The following PSME4 variants were observed in gnomAD, a reference collection of about 807,000 sequenced individuals.
PSME4 encodes proteasome activator complex subunit 4.
A neutral mutation model predicts 253.9 loss-of-function variants in PSME4; 89 were observed. That is an observed-to-expected ratio of 0.35 (90% confidence interval 0.30 to 0.42). The LOEUF (loss-of-function observed/expected upper bound fraction) is 0.42, where lower values mean the gene tolerates loss of function less well. Ranked by LOEUF, PSME4 falls within the 10% of genes least tolerant of loss-of-function variation. The pLI, the probability that PSME4 is intolerant of heterozygous loss-of-function variation, is 1.00. For synonymous variants in PSME4, 851 were observed against 759.2 expected, an observed-to-expected ratio of 1.12 and a Z score of -1.99; for missense variants, 2,014 against 2,195.2, an observed-to-expected ratio of 0.92 and a Z score of 1.65.
intron 41 of PSME4, among the ~76,000 whole-genome samples, chr2:53,876,716 C>CTTT (rs10599430): frequency 2.2e-4 from 22 of 97,844 alleles, no homozygotes; most frequent in East Asian, 2.1e-3. Flanking sequence ...CACTGTCATT[C>CTTT]TTTTTTTTTT....
intron 37 of PSME4, 31 bp from the exon 38 acceptor site, chr2:53,888,843 C>T: frequency 6.8e-7 from 1 of 1,475,760 alleles, no homozygotes; most frequent in Non-Finnish European, 9.5e-7. Context: ...AACAGTTCAA[C>T]AGAGAACCTA....
At chr2:53,948,883 GT>G (rs1283901637) in intron 2 of PSME4, among the ~76,000 whole-genome samples, 1 of 152,164 alleles carries the variant, frequency 6.6e-6, no homozygotes, top group Non-Finnish European at 1.5e-5. Context: ...TCTTTGTCTT[GT>G]CTTCTCAAGG....
Position 53,875,700 on chromosome 2 carries a change from A to G in PSME4, c.4871T>C (p.Leu1624Ser). ...CCCCTGAGACATTAATGATAAACAT[A>G]ACTTTGCATCTCTTTTCAGTTCATC... ...SYDELKRDAK[L>S]CLSLMSQGLL... The change falls in exon 42 of 47, where the codon TTA (leucine) becomes TCA (serine). Residue 1624 changes from leucine (L) to serine (S), a missense_variant. Leu to Ser is a moderately radical substitution (Grantham distance 145). Around this residue, in one of 4 missense-constraint regions of PSME4, gnomAD observed 403 missense variants for 556.1 expected, o/e 0.72. Coordinates refer to ENST00000404125, the MANE Select transcript of PSME4 (RefSeq NM_014614.3). The G allele has an allele frequency of 2.5e-6, 4 of 1,613,160 alleles. No homozygotes were observed. The highest frequency in any genetic ancestry group is 3.4e-6 in the Non-Finnish European group (4 of 1,179,200).
At chr2:53,942,196 A>G (rs1179355293) in intron 3 of PSME4, 1 of 152,564 alleles carries the variant, frequency 6.6e-6, no homozygotes, top group African/African-American at 2.4e-5. Flanking sequence ...TGATTCTTGT[A>G]ATCTCTCAAG....
At chr2:53,961,425 T>C (rs1056428200) in intron 1 of PSME4, among the ~76,000 whole-genome samples, 3 of 152,120 alleles carry the variant, frequency 2.0e-5, no homozygotes, top group Admixed American at 6.5e-5. Flanking sequence ...TCCCAGCACT[T>C]TGGGAGGGCG....
At chr2:53,944,063 A>T (rs933075371) in intron 3 of PSME4, among the ~76,000 whole-genome samples, 7 of 152,232 alleles carry the variant, frequency 4.6e-5, no homozygotes, top group African/African-American at 1.2e-4. Context: ...AGTATTTTTT[A>T]AAATTGCTTT....
At chr2:53,928,551 T>C (rs567798160) in intron 10 of PSME4, among the ~76,000 whole-genome samples, 19 of 152,184 alleles carry the variant, frequency 1.2e-4, no homozygotes, top group Non-Finnish European at 2.5e-4. Flanking sequence ...CATATTCACA[T>C]AACTTCTATT....
intron 1 of PSME4, among the ~76,000 whole-genome samples, chr2:53,970,010 C>A (rs747750979): frequency 1.2e-4 from 18 of 152,152 alleles, no homozygotes; most frequent in Non-Finnish European, 1.9e-4. Flanking sequence ...CTGAGAGGGC[C>A]CCCAAAAAGC....
intron 43 of PSME4, chr2:53,870,609 C>T (rs1349650618): frequency 1.3e-5 from 2 of 151,708 alleles, no homozygotes; most frequent in Non-Finnish European, 2.9e-5. Context: ...ATCTTCTGAC[C>T]TCGTGATCCG....
At chr2:53,906,509 A>T in intron 26 of PSME4, 89 bp downstream of exon 26, 5 of 1,403,026 alleles carry the variant, frequency 3.6e-6, no homozygotes, top group Non-Finnish European at 4.7e-6. Flanking sequence ...GGGTGAAATT[A>T]TTTAAACTCT....
At position 53,898,358 on chromosome 2, in the gene PSME4, T is replaced by TA. The variant is rs553838659; in HGVS notation, c.3423-5dup. On this transcript the variant is annotated splice_region_variant and splice_polypyrimidine_tract_variant and intron_variant, in intron 29 of 46. Coordinates refer to ENST00000404125, the MANE Select transcript of PSME4 (RefSeq NM_014614.3). ...GTCTACCAAATTTTCATAGTTCCTT[T>TA]AAAAAAAAGGTGAGGTATTATTTTA... is the stretch of plus-strand genomic sequence containing the variant. The TA allele has an allele frequency of 1.3e-3, 2,011 of 1,578,768 alleles. 12 individuals carry two copies. In the African/African-American group the frequency reaches 0.02, roughly 16 times the overall value.
At chr2:53,969,624 C>CACAGT (rs1427823930) in intron 1 of PSME4, among the ~76,000 whole-genome samples, 1 of 151,382 alleles carries the variant, frequency 6.6e-6, no homozygotes, top group Non-Finnish European at 1.5e-5. Context: ...GCTCTTCGGA[C>CACAGT]ACAGTAAAGA....
chr2:53,945,872 G>A (rs532017882), intron 3 of PSME4, among the ~76,000 whole-genome samples: 1 of 152,250 alleles, frequency 6.6e-6, no homozygotes, highest in Admixed American at 6.5e-5. Context: ...AATGAGTATA[G>A]GTAGGTTATA....
At chr2:53,902,530 G>A (rs1051436557) in intron 27 of PSME4, among the ~76,000 whole-genome samples, 3 of 152,112 alleles carry the variant, frequency 2.0e-5, no homozygotes, top group South Asian at 2.1e-4. Flanking sequence ...TCATAACCTC[G>A]ATTTTGTTGA....
chr2:53,875,352 T>C (rs1035528714), intron 42 of PSME4, among the ~76,000 whole-genome samples: 1 of 152,204 alleles, frequency 6.6e-6, no homozygotes, highest in African/African-American at 2.4e-5. Context: ...ACCATCCACC[T>C]TCCTCATAAG....
intron 29 of PSME4, among the ~76,000 whole-genome samples, chr2:53,898,633 GCACACACACACA>G (rs199900623): frequency 1.8e-4 from 26 of 142,402 alleles, no homozygotes; most frequent in African/African-American, 3.3e-4. Context: ...ATTGGGAGTG[GCACACACACACA>G]CACACACACA....
chr2:53,922,507 T>C lies in PSME4; in HGVS notation c.2046+10A>G. The C allele has an allele frequency of 6.2e-7, 1 of 1,611,522 alleles. No individual in the cohort carries two copies. Among genetic ancestry groups the C allele is most frequent in the East Asian group, 2.2e-5 (1 of 44,736 alleles). On this transcript the variant is annotated intron_variant, in intron 17 of 46. Transcript: ENST00000404125. ...ACAGTCATGTTTCTTATTCCAAAGA[T>C]TTACAATACCTCAGACAAAAGTTGA...
intron 1 of PSME4, among the ~76,000 whole-genome samples, chr2:53,959,289 C>A (rs1425884859): frequency 2.0e-5 from 3 of 152,014 alleles, no homozygotes; most frequent in Non-Finnish European, 4.4e-5. Flanking sequence ...CGCTGGAACC[C>A]AGGAGGCAGA....
intron 11 of PSME4, 44 bp downstream of exon 11, chr2:53,928,073 G>A (rs1668651227): frequency 6.8e-7 from 1 of 1,472,730 alleles, no homozygotes; most frequent in African/African-American, 1.4e-5. Flanking sequence ...AGTTTACTTT[G>A]CCTCCTACCT....
Sources: gnomAD v4.1 joint callset for allele counts (sites outside exome capture counted in the v4.1 genomes callset) on GRCh38, gnomAD v4.1.1 for gene constraint, gnomAD v4.1.1 regional missense constraint, MANE v1.5 for transcripts, NCBI Gene and HGNC (gene_info 2026-07-23, HGNC 2026-07-21) for gene names.